RABGAP1L: variants seen among roughly 807,000 people sequenced by gnomAD.
RABGAP1L encodes RAB GTPase activating protein 1 like.
A neutral mutation model predicts 137.7 loss-of-function variants in RABGAP1L; 63 were observed. That is an observed-to-expected ratio of 0.46 (90% CI 0.37 to 0.56). RABGAP1L has a LOEUF of 0.56. Ranked by LOEUF, RABGAP1L falls within the 20% of genes least tolerant of loss-of-function variation. The pLI is 0.00. For synonymous variants in RABGAP1L, 431 were observed against 433.7 expected (o/e 0.99, Z 0.08); for missense variants, 1,095 against 1,244.0 (o/e 0.88, Z 1.80).
intron 13 of RABGAP1L, among the ~76,000 whole-genome samples, chr1:174,581,030 G>A (rs1364347703): frequency 6.6e-6 from 1 of 152,156 alleles, no homozygotes; most frequent in African/African-American, 2.4e-5. Flanking sequence ...TCGAGTGTTG[G>A]CAAGGATGTA....
At chr1:174,812,406 T>C (rs911409964) in intron 19 of RABGAP1L, among the ~76,000 whole-genome samples, 2 of 152,240 alleles carry the variant, frequency 1.3e-5, no homozygotes, top group African/African-American at 4.8e-5. Context: ...TATCTGTGGA[T>C]ACATTGGTCC....
intron 13 of RABGAP1L, among the ~76,000 whole-genome samples, chr1:174,474,749 T>C (rs1658317012): frequency 6.6e-6 from 1 of 152,048 alleles, no homozygotes. Flanking sequence ...ACTACAGGCG[T>C]GCGTCACCAC....
chr1:174,958,005 A>G (rs1426724044), intron 20 of RABGAP1L: 6 of 1,551,452 alleles, frequency 3.9e-6, no homozygotes, highest in African/African-American at 1.4e-5. Context: ...AAATGAAACA[A>G]AAAGGAAAAA....
Position 174,209,982 on chromosome 1 carries a change from T to C in RABGAP1L, c.-33-9143T>C, listed in dbSNP as rs377601756. ...GTAATCAAGAGAATTCTCCCAGATC[T>C]CTTACGCAAGACCGTCAAGGTGATA... On this transcript the variant is annotated intron_variant, in intron 1 of 25. Transcript: ENST00000681986. 8.5e-5 allele frequency among the ~76,000 whole-genome samples: 13 copies of C among 152,328 alleles called. 1 individual carries two copies. The highest frequency in any genetic ancestry group is 3.1e-4 in the African/African-American group (13 of 41,568).
chr1:174,654,107 A>C (rs1675779766), intron 14 of RABGAP1L, among the ~76,000 whole-genome samples: 1 of 152,222 alleles, frequency 6.6e-6, no homozygotes, highest in African/African-American at 2.4e-5. Flanking sequence ...GTTTGTTTCT[A>C]AGGAACATTT....
intron 19 of RABGAP1L, among the ~76,000 whole-genome samples, chr1:174,879,195 T>C (rs1213231730): frequency 2.7e-5 from 4 of 150,730 alleles, no homozygotes; most frequent in African/African-American, 9.8e-5. Flanking sequence ...CCGCCTCCCA[T>C]GTTCAAGTGA....
intron 20 of RABGAP1L, among the ~76,000 whole-genome samples, chr1:174,967,841 TA>T (rs1464909402): frequency 6.6e-6 from 1 of 151,856 alleles, no homozygotes; most frequent in Non-Finnish European, 1.5e-5. Context: ...TTTAAAGTAT[TA>T]AAGTGATTTG....
chr1:174,378,730 G>A (rs920539697), intron 12 of RABGAP1L, among the ~76,000 whole-genome samples: 3 of 150,620 alleles, frequency 2.0e-5, no homozygotes, highest in Admixed American at 6.6e-5. Flanking sequence ...CTCCCATTTT[G>A]TAGGTTGCCT....
chr1:174,695,653 T>C (rs539856722), intron 15 of RABGAP1L, among the ~76,000 whole-genome samples: 1 of 152,206 alleles, frequency 6.6e-6, no homozygotes, highest in Non-Finnish European at 1.5e-5. Context: ...CTGGGTATTC[T>C]TGATGCTTGT....
chr1:174,930,037 CAG>C (rs971082320), intron 19 of RABGAP1L, among the ~76,000 whole-genome samples: 2 of 142,274 alleles, frequency 1.4e-5, no homozygotes, highest in African/African-American at 2.6e-5. Context: ...TTTGTAAAGA[CAG>C]AGTTTTGCCA....
chr1:174,166,747 A>C (rs1225200481), intron 1 of RABGAP1L, among the ~76,000 whole-genome samples: 1 of 152,232 alleles, frequency 6.6e-6, no homozygotes, highest in African/African-American at 2.4e-5. Context: ...GATTTGAAGA[A>C]GCCTTGCTTC....
rs1352630312 is a variant in RABGAP1L at position 174,930,747 on chromosome 1, C to CT, written c.2341-26703dup. Among the ~76,000 whole-genome samples, 5 of 152,302 alleles carry CT rather than the reference C, an allele frequency of 3.3e-5. No individual in the cohort carries two copies. The East Asian group carries it at 5.8e-4, about 18-fold the overall frequency. Reference sequence around the variant, plus strand: ...TTTTCTTGTTTTATATCTCCCCCATCTTTTTTTGCAAGAGTATTAGGTAAA... The same window carrying CT: ...TTTTCTTGTTTTATATCTCCCCCATCTTTTTTTTGCAAGAGTATTAGGTAAA... On this transcript the variant is annotated intron_variant, in intron 19 of 25. Transcript: ENST00000681986.
chr1:174,670,478 G>A (rs926614015), intron 14 of RABGAP1L, among the ~76,000 whole-genome samples: 4 of 152,066 alleles, frequency 2.6e-5, no homozygotes, highest in Non-Finnish European at 2.9e-5. Context: ...CTATCAAATA[G>A]TAGGTCTTAC....
intron 17 of RABGAP1L, among the ~76,000 whole-genome samples, chr1:174,714,702 C>G (rs368577889): frequency 6.6e-6 from 1 of 152,178 alleles, no homozygotes; most frequent in Non-Finnish European, 1.5e-5. Flanking sequence ...AGCAAGTAGA[C>G]TTCAGGAAGG....
intron 13 of RABGAP1L, among the ~76,000 whole-genome samples, chr1:174,403,817 T>TC (rs1648933406): frequency 6.6e-6 from 1 of 151,770 alleles, no homozygotes; most frequent in Admixed American, 6.6e-5. Flanking sequence ...TTTTTTTTTT[T>TC]GGTTGGTGAA....
intron 1 of RABGAP1L, among the ~76,000 whole-genome samples, chr1:174,185,606 TA>T (rs939657602): frequency 6.6e-6 from 1 of 152,334 alleles, no homozygotes; most frequent in South Asian, 2.1e-4. Flanking sequence ...ATATGCCTTT[TA>T]AAAAATGACC....
intron 1 of RABGAP1L, among the ~76,000 whole-genome samples, chr1:174,182,868 CTATT>C (rs1009161868): frequency 2.0e-5 from 3 of 152,116 alleles, no homozygotes; most frequent in Non-Finnish European, 4.4e-5. Context: ...CTCAGTATGG[CTATT>C]TAAAGTTTCT....
intron 13 of RABGAP1L, among the ~76,000 whole-genome samples, chr1:174,436,119 T>A (rs1285319795): frequency 1.3e-5 from 2 of 152,210 alleles, no homozygotes; most frequent in African/African-American, 2.4e-5. Flanking sequence ...TAACCATACA[T>A]GTGCATGTGT....
At chr1:174,465,222 C>G (rs984584876) in intron 13 of RABGAP1L, among the ~76,000 whole-genome samples, 3 of 151,770 alleles carry the variant, frequency 2.0e-5, no homozygotes, top group African/African-American at 7.3e-5. Flanking sequence ...TTTTTTGAGG[C>G]GGAGTCTCGC....
Sources: gnomAD v4.1 joint callset for allele counts (sites outside exome capture counted in the v4.1 genomes callset) on GRCh38, gnomAD v4.1.1 for gene constraint, MANE v1.5 for transcripts, NCBI Gene and HGNC (gene_info 2026-07-23, HGNC 2026-07-21) for gene names.